Variants in C1orf146 observed in about 807,000 individuals in gnomAD.
The protein encoded by C1orf146 is chromosome 1 open reading frame 146, also known as protein SPO16 homolog.
In C1orf146, 22 loss-of-function variants were observed where a neutral mutation model predicts 23.0. That is an observed-to-expected ratio of 0.96 (90% CI 0.68 to 1.36). The LOEUF (loss-of-function observed/expected upper bound fraction) is 1.36. Ranked by LOEUF, C1orf146 falls within the 40% of genes most tolerant of loss-of-function variation. C1orf146 has a pLI of 0.00. For synonymous variants in C1orf146, 59 were observed against 65.3 expected (o/e 0.90, Z 0.47); for missense variants, 199 against 206.8 (o/e 0.96, Z 0.23).
intron 1 of C1orf146, among the ~76,000 whole-genome samples, chr1:92,219,330 C>G (rs1261859597): frequency 6.6e-6 from 1 of 151,976 alleles, no homozygotes; most frequent in Non-Finnish European, 1.5e-5. Context: ...TCTCATGGAG[C>G]TAGTTAACTT....
In C1orf146 at chr1:92,223,737, T is replaced by C. The variant is rs191567465; in HGVS notation, c.-40+5689T>C. Among the ~76,000 whole-genome samples, 609 of 152,202 alleles carry C rather than the reference T, an allele frequency of 4.0e-3. 2 individuals are homozygous for C. The highest frequency in any genetic ancestry group is 6.8e-3 in the Non-Finnish European group (462 of 68,000). On this transcript the variant is annotated intron_variant, in intron 1 of 5. Transcript: ENST00000370375. Reference sequence around the variant, plus strand: ...TTAGTAGAAATGGGTTTTCACCATGTTGGCCAGGATGGTCTCAAACTCCTA... The same window carrying C: ...TTAGTAGAAATGGGTTTTCACCATGCTGGCCAGGATGGTCTCAAACTCCTA...
intron 1 of C1orf146, among the ~76,000 whole-genome samples, chr1:92,222,535 G>GTTTTTTTTTTTTTTTTT: frequency 1.7e-5 from 1 of 60,582 alleles, no homozygotes; most frequent in Non-Finnish European, 3.0e-5. Context: ...CCCTTCTTCG[G>GTTTTTTTTTTTTTTTTT]TTTTTTTTTT....
At chr1:92,239,513 G>A (rs1652378349) in intron 2 of C1orf146, among the ~76,000 whole-genome samples, 1 of 152,138 alleles carries the variant, frequency 6.6e-6, no homozygotes, top group Admixed American at 6.5e-5. Flanking sequence ...CACTTTGGGA[G>A]GCCAAGGTGG....
At chr1:92,218,905 C>T (rs1182574544) in intron 1 of C1orf146, among the ~76,000 whole-genome samples, 8 of 152,174 alleles carry the variant, frequency 5.3e-5, no homozygotes, top group African/African-American at 1.9e-4. Context: ...TGCCCCAGCC[C>T]CAGGTTTCTG....
At position 92,230,032 on chromosome 1, in the gene C1orf146, T is replaced by C. The variant is rs868073635; in HGVS notation, c.-39-1350T>C. 2.6e-5 allele frequency among the ~76,000 whole-genome samples: 4 copies of C among 151,592 alleles called. No individual in the cohort carries two copies. In the South Asian group the frequency reaches 6.3e-4, roughly 24 times the overall value. Reference sequence around the variant, plus strand: ...CGCTGAACTTAAATGCAATTTTGTTTTACTGTATACCTGGTTGCCACTGTA... The same window carrying C: ...CGCTGAACTTAAATGCAATTTTGTTCTACTGTATACCTGGTTGCCACTGTA... On this transcript the variant is annotated intron_variant, in intron 1 of 5. Transcript: ENST00000370375.
At chr1:92,235,254 T>C (rs572638780) in intron 2 of C1orf146, among the ~76,000 whole-genome samples, 2 of 152,322 alleles carry the variant, frequency 1.3e-5, no homozygotes, top group South Asian at 2.1e-4. Context: ...TTTAGTGCTA[T>C]AAATTTCCCT....
At chr1:92,231,517 A>T (rs1022462279) in intron 2 of C1orf146, 31 bp downstream of exon 2, 2 of 1,507,310 alleles carry the variant, frequency 1.3e-6, no homozygotes, top group Non-Finnish European at 1.8e-6. Context: ...CTGATCTTTA[A>T]CTTAAAAAAA....
chr1:92,224,815 T>C (rs911880910), intron 1 of C1orf146, among the ~76,000 whole-genome samples: 2 of 152,174 alleles, frequency 1.3e-5, no homozygotes, highest in Non-Finnish European at 2.9e-5. Flanking sequence ...CGATCTCGGC[T>C]CACTGCAACC....
chr1:92,225,107 C>T (rs527590163), intron 1 of C1orf146, among the ~76,000 whole-genome samples: 2 of 122,268 alleles, frequency 1.6e-5, no homozygotes, highest in African/African-American at 6.5e-5. Context: ...TCCGGTTTAG[C>T]CTCTTTTTTT....
intron 2 of C1orf146, 29 bp from the exon 3 acceptor site, chr1:92,242,183 A>G: frequency 1.5e-6 from 2 of 1,355,146 alleles, no homozygotes; most frequent in South Asian, 1.3e-5. Flanking sequence ...CATGCCTTAA[A>G]TTTGTATTTC....
At chr1:92,224,089 C>T (rs1024643838) in intron 1 of C1orf146, among the ~76,000 whole-genome samples, 8 of 150,264 alleles carry the variant, frequency 5.3e-5, no homozygotes, top group South Asian at 2.1e-4. Context: ...CTTGCTCTGT[C>T]GCCCAGGCTG....
chr1:92,231,356 A>G, intron 1 of C1orf146, 26 bp from the exon 2 acceptor site: 2 of 1,099,076 alleles, frequency 1.8e-6, no homozygotes, highest in Non-Finnish European at 2.7e-6. Flanking sequence ...ATTTCTTTGC[A>G]TTCTTTGTGT....
At chr1:92,237,617 C>A (rs1652329071) in intron 2 of C1orf146, among the ~76,000 whole-genome samples, 1 of 152,198 alleles carries the variant, frequency 6.6e-6, no homozygotes, top group Admixed American at 6.5e-5. Context: ...GGGAGAACCA[C>A]TGCTCTCTTC....
intron 1 of C1orf146, among the ~76,000 whole-genome samples, chr1:92,230,243 C>T (rs144249302): frequency 4.0e-4 from 61 of 151,436 alleles, no homozygotes; most frequent in African/African-American, 1.2e-3. Context: ...GTGGGAGGGT[C>T]GCTTGAAGCC....
At chr1:92,232,895 C>T (rs1168724037) in intron 2 of C1orf146, among the ~76,000 whole-genome samples, 3 of 152,154 alleles carry the variant, frequency 2.0e-5, no homozygotes, top group South Asian at 2.1e-4. Flanking sequence ...TTTTTGGCTG[C>T]ATAAATGTCT....
rs987929486 is a variant in C1orf146, at chr1:92,231,452, G to A, written c.32G>A (p.Trp11Ter). 6.2e-7 allele frequency: 1 copy of A among 1,610,638 alleles called. No homozygotes were observed. The highest frequency in any genetic ancestry group is 8.5e-7 in the Non-Finnish European group (1 of 1,178,726). The change falls in exon 2 of 6, where the codon TGG (tryptophan) becomes TAG (stop). Residue 11 changes from tryptophan (W) to a stop codon, truncating the protein, a stop_gained. Transcript: ENST00000370375. LOFTEE classifies it high-confidence loss of function. ...GAAAGTGGAAAAGAAAAAATAAAATGGACAACCACCATTATTATTAGCTCA... is the reference window on the plus strand; with the variant it reads ...GAAAGTGGAAAAGAAAAAATAAAATAGACAACCACCATTATTATTAGCTCA... Reference protein sequence around the residue: MAESGKEKIKWTTTIIISSSL... With the variant: MAESGKEKIK
chr1:92,222,986 G>A (rs188050057), intron 1 of C1orf146, among the ~76,000 whole-genome samples: 21 of 152,148 alleles, frequency 1.4e-4, no homozygotes, highest in Admixed American at 1.3e-3. Context: ...AGAGTGACTC[G>A]GGTTATGTGT....
At position 92,244,556 on chromosome 1, in the gene C1orf146, T is replaced by A. The variant is rs190954769; in HGVS notation, c.329+171T>A. On this transcript the variant is annotated intron_variant, in intron 4 of 5. Transcript: ENST00000370375. ...ATTCTATGAATCGAGGTGACAGGGT[T>A]CATGATGTTGCAAGGGCTTCTCCAA... Among the ~76,000 whole-genome samples, 37 of 152,336 alleles carry A rather than the reference T, an allele frequency of 2.4e-4. No homozygotes were observed. The East Asian group carries it at 6.9e-3, about 29-fold the overall frequency.
chr1:92,238,031 G>A (rs918173658), intron 2 of C1orf146, among the ~76,000 whole-genome samples: 1 of 152,184 alleles, frequency 6.6e-6, no homozygotes, highest in Non-Finnish European at 1.5e-5. Flanking sequence ...TCGGGCTCAA[G>A]TGATTCTCCT....
Sources: allele counts gnomAD v4.1 joint callset (sites outside exome capture counted in the v4.1 genomes callset), GRCh38; gene constraint gnomAD v4.1.1; transcripts MANE v1.5; gene names NCBI Gene and HGNC (gene_info 2026-07-23, HGNC 2026-07-21).